TMEM108: variants seen among roughly 807,000 people sequenced by gnomAD.
TMEM108 encodes transmembrane protein 108.
TMEM108 carries 12 observed loss-of-function variants against 35.1 expected under a neutral mutation model. The observed-to-expected ratio is 0.34, with a 90% CI of 0.22 to 0.55. The LOEUF is 0.55. TMEM108 is among the 20% of genes least tolerant of loss of function. The pLI is 0.89. For missense variants in TMEM108, 680 were observed against 753.3 expected (o/e 0.90, Z 1.14); for synonymous variants, 287 against 308.6 (o/e 0.93, Z 0.73).
chr3:133,213,027 G>A (rs1356962449), intron 2 of TMEM108, among the ~76,000 whole-genome samples: 1 of 151,854 alleles, frequency 6.6e-6, no homozygotes, highest in Non-Finnish European at 1.5e-5. Context: ...CCCAAACCCA[G>A]CCCTGTGGAC....
intron 2 of TMEM108, among the ~76,000 whole-genome samples, chr3:133,163,151 C>G (rs1356157573): frequency 6.6e-6 from 1 of 152,188 alleles, no homozygotes; most frequent in African/African-American, 2.4e-5. Context: ...AAGAGCTACA[C>G]ATAAATATTC....
chr3:133,070,742 T>G (rs1440393409), intron 2 of TMEM108, among the ~76,000 whole-genome samples: 3 of 133,204 alleles, frequency 2.3e-5, no homozygotes, highest in Non-Finnish European at 4.8e-5. Flanking sequence ...CTTTCTCTGA[T>G]GTATGTGTGT....
chr3:133,142,366 A>T (rs1944653077), intron 2 of TMEM108, among the ~76,000 whole-genome samples: 1 of 152,230 alleles, frequency 6.6e-6, no homozygotes, highest in Non-Finnish European at 1.5e-5. Flanking sequence ...GGAGCCAGGG[A>T]TAGAAACAGC....
chr3:133,119,186 C>A (rs1308137366), intron 2 of TMEM108: 1 of 150,600 alleles, frequency 6.6e-6, no homozygotes, highest in Admixed American at 6.6e-5. Context: ...AACAAGCTGT[C>A]AGAGTGTATC....
chr3:133,173,770 G>A (rs549362635), intron 2 of TMEM108, among the ~76,000 whole-genome samples: 3 of 152,294 alleles, frequency 2.0e-5, no homozygotes, highest in East Asian at 1.9e-4. Context: ...CATGAGTGAC[G>A]CAGAAGATGG....
chr3:133,198,904 T>C (rs1389405385), intron 2 of TMEM108, among the ~76,000 whole-genome samples: 1 of 152,172 alleles, frequency 6.6e-6, no homozygotes, highest in Non-Finnish European at 1.5e-5. Context: ...TTGGTTCCAT[T>C]CTCCCTGTCA....
At chr3:133,359,558 T>C (rs2072281728) in intron 3 of TMEM108, among the ~76,000 whole-genome samples, 1 of 152,166 alleles carries the variant, frequency 6.6e-6, no homozygotes, top group East Asian at 1.9e-4. Flanking sequence ...GTTTTAATTG[T>C]GTCTGGAAAG....
intron 2 of TMEM108, among the ~76,000 whole-genome samples, chr3:133,184,172 C>A (rs571510122): frequency 4.0e-4 from 61 of 152,152 alleles, no homozygotes; most frequent in African/African-American, 1.3e-3. Context: ...ATTATTAGAC[C>A]AAATTTGAAG....
intron 2 of TMEM108, among the ~76,000 whole-genome samples, chr3:133,065,232 A>G (rs150056980): frequency 4.3e-4 from 65 of 152,290 alleles, no homozygotes; most frequent in Non-Finnish European, 7.8e-4. Flanking sequence ...TGTGGACTCC[A>G]AAAGTGTGGT....
chr3:133,269,426 C>T (rs1268771551), intron 3 of TMEM108, among the ~76,000 whole-genome samples: 1 of 152,180 alleles, frequency 6.6e-6, no homozygotes, highest in African/African-American at 2.4e-5. Flanking sequence ...CCATTCTTCT[C>T]CAGGCATGAA....
intron 2 of TMEM108, among the ~76,000 whole-genome samples, chr3:133,185,794 T>G (rs1218055678): frequency 6.7e-6 from 1 of 150,336 alleles, no homozygotes; most frequent in Non-Finnish European, 1.5e-5. Context: ...CTTTTTTTTT[T>G]TTTTTGAGAC....
At chr3:133,179,647 G>A (rs1378243039) in intron 2 of TMEM108, among the ~76,000 whole-genome samples, 1 of 151,844 alleles carries the variant, frequency 6.6e-6, no homozygotes, top group Admixed American at 6.6e-5. Flanking sequence ...CACACACTGG[G>A]GCCTGTTGTG....
intron 2 of TMEM108, among the ~76,000 whole-genome samples, chr3:133,131,812 C>T (rs907699978): frequency 6.6e-6 from 1 of 152,054 alleles, no homozygotes; most frequent in Non-Finnish European, 1.5e-5. Flanking sequence ...AGTCCTACTC[C>T]AGTTAACACA....
chr3:133,133,946 G>T (rs1944527972), intron 2 of TMEM108, among the ~76,000 whole-genome samples: 1 of 151,766 alleles, frequency 6.6e-6, no homozygotes, highest in African/African-American at 2.4e-5. Flanking sequence ...TGTATTTTTA[G>T]TAGAGACGGG....
intron 1 of TMEM108, among the ~76,000 whole-genome samples, chr3:133,041,511 T>C (rs537314795): frequency 6.6e-6 from 1 of 152,298 alleles, no homozygotes; most frequent in Admixed American, 6.5e-5. Context: ...TGAAAGGCTA[T>C]GTCAGCCCTC....
At chr3:133,226,820 G>A (rs545665076) in intron 2 of TMEM108, among the ~76,000 whole-genome samples, 9 of 152,184 alleles carry the variant, frequency 5.9e-5, no homozygotes, top group East Asian at 1.9e-4. Context: ...AGACATACCC[G>A]CGACTGGGAA....
chr3:133,271,847 T>G (rs936663168), intron 3 of TMEM108, among the ~76,000 whole-genome samples: 2 of 152,212 alleles, frequency 1.3e-5, no homozygotes, highest in Non-Finnish European at 2.9e-5. Flanking sequence ...TCTGGGTCTC[T>G]ACTATGTTTC....
At chr3:133,265,879 A>G (rs1236633605) in intron 3 of TMEM108, among the ~76,000 whole-genome samples, 3 of 152,190 alleles carry the variant, frequency 2.0e-5, no homozygotes, top group Admixed American at 6.5e-5. Context: ...AAACATTCCT[A>G]TACTTTTTTG....
At chr3:133,320,858 C>G (rs537609504) in intron 3 of TMEM108, among the ~76,000 whole-genome samples, 39 of 152,276 alleles carry the variant, frequency 2.6e-4, no homozygotes, top group African/African-American at 8.7e-4. Context: ...GATGGGAGTT[C>G]TATCATTAAC....
Sources: gnomAD v4.1 joint callset for allele counts (sites outside exome capture counted in the v4.1 genomes callset) on GRCh38, gnomAD v4.1.1 for gene constraint, MANE v1.5 for transcripts, NCBI Gene and HGNC (gene_info 2026-07-23, HGNC 2026-07-21) for gene names.